Variants in PEX7 observed in about 807,000 individuals in gnomAD.
PEX7 encodes PTS2 receptor.
PEX7 carries 34 observed loss-of-function variants against 47.5 expected under a neutral mutation model. That is an observed-to-expected ratio of 0.72 (90% CI 0.54 to 0.95). PEX7 has a LOEUF of 0.95. PEX7 is among the 40% of genes least tolerant of loss of function. The pLI is 0.00. For missense variants in PEX7, 394 were observed against 400.3 expected (o/e 0.98, Z 0.13); for synonymous variants, 141 against 148.8 (o/e 0.95, Z 0.38).
intron 9 of PEX7, among the ~76,000 whole-genome samples, chr6:136,905,624 T>C (rs956382356): frequency 6.6e-6 from 1 of 152,214 alleles, no homozygotes. Flanking sequence ...CATGCTGACC[T>C]CTTCTTCCTT....
intron 3 of PEX7, chr6:136,830,097 A>G: frequency 2.9e-6 from 2 of 701,540 alleles, no homozygotes; most frequent in South Asian, 3.1e-5. Flanking sequence ...GACGTATAGC[A>G]TGGTTTTAGT....
At chr6:136,911,145 C>G (rs1017867739) in intron 9 of PEX7, among the ~76,000 whole-genome samples, 4 of 152,076 alleles carry the variant, frequency 2.6e-5, no homozygotes, top group Non-Finnish European at 5.9e-5. Flanking sequence ...TCCCCTATCC[C>G]CACCCTTCCC....
intron 3 of PEX7, chr6:136,830,000 C>A (rs1182102664): frequency 1.5e-6 from 1 of 656,862 alleles, no homozygotes; most frequent in Non-Finnish European, 2.8e-6. Context: ...TTTTTTTTTT[C>A]CACCAGTATG....
At chr6:136,842,330 C>T (rs751717343) in intron 3 of PEX7, among the ~76,000 whole-genome samples, 1 of 152,192 alleles carries the variant, frequency 6.6e-6, no homozygotes, top group Non-Finnish European at 1.5e-5. Flanking sequence ...TTAACTTCAC[C>T]ACCATGTGTG....
Position 136,886,935 on chromosome 6 carries a change from C to T in PEX7, c.804-11207C>T, listed in dbSNP as rs189394845. Among the ~76,000 whole-genome samples, 14 of 152,084 alleles carry T rather than the reference C, an allele frequency of 9.2e-5. No homozygotes were observed. The East Asian group carries it at 2.7e-3, about 29-fold the overall frequency. ...GTATGGTGGCACATACCTGTGATCT[C>T]AGCTGCTTGGGTGCTGAGGCAGGAG... On this transcript the variant is annotated intron_variant, in intron 8 of 9. Coordinates refer to ENST00000318471, the MANE Select transcript of PEX7 (RefSeq NM_000288.4).
intron 3 of PEX7, among the ~76,000 whole-genome samples, chr6:136,831,665 G>A (rs1377521947): frequency 1.3e-5 from 2 of 152,246 alleles, no homozygotes; most frequent in African/African-American, 2.4e-5. Context: ...ATACAGTAGG[G>A]CTATAGGCAT....
At chr6:136,881,775 T>C (rs1775379541) in intron 8 of PEX7, among the ~76,000 whole-genome samples, 1 of 152,176 alleles carries the variant, frequency 6.6e-6, no homozygotes, top group Non-Finnish European at 1.5e-5. Context: ...GTTTTTGGCT[T>C]TCAGTCTTAC....
intron 8 of PEX7, among the ~76,000 whole-genome samples, chr6:136,890,793 T>C (rs1275586265): frequency 6.6e-6 from 1 of 152,132 alleles, no homozygotes; most frequent in Non-Finnish European, 1.5e-5. Context: ...AACATTTAGG[T>C]GTGGGGTGAA....
intron 9 of PEX7, among the ~76,000 whole-genome samples, chr6:136,904,785 CA>C (rs751092402): frequency 2.0e-5 from 3 of 152,130 alleles, no homozygotes; most frequent in Non-Finnish European, 4.4e-5. Context: ...TCTTTATCAG[CA>C]GCGTGAAAAT....
intron 5 of PEX7, among the ~76,000 whole-genome samples, chr6:136,848,819 TG>T (rs1774681880): frequency 6.6e-6 from 1 of 152,166 alleles, no homozygotes; most frequent in African/African-American, 2.4e-5. Flanking sequence ...CTCTTTTTTT[TG>T]TTGTGTCTCT....
chr6:136,845,756 C>A (rs1393137268), intron 4 of PEX7, 64 bp downstream of exon 4: 5 of 1,041,716 alleles, frequency 4.8e-6, no homozygotes, highest in Non-Finnish European at 6.1e-6. Context: ...ACTAAATTTT[C>A]TTCTCTTTTT....
Position 136,903,336 on chromosome 6 carries a change from CTTTTTT to C in PEX7, c.903+5109_903+5114del, listed in dbSNP as rs552573661. ...GGTAAACAATCTTTTCTTTCTTTCTCTTTTTTTTTTTTTTTTTTTCATAGAGACAGG... is the reference window on the plus strand; with the variant it reads ...GGTAAACAATCTTTTCTTTCTTTCTCTTTTTTTTTTTTTCATAGAGACAGG... On this transcript the variant is annotated intron_variant, in intron 9 of 9. Coordinates refer to ENST00000318471, the MANE Select transcript of PEX7 (RefSeq NM_000288.4). Among the ~76,000 whole-genome samples, 649 of 126,304 alleles carry C rather than the reference CTTTTTT, an allele frequency of 5.1e-3. 1 individual carries two copies. Among genetic ancestry groups the C allele is most frequent in the Non-Finnish European group, 9.0e-3 (548 of 61,080 alleles). 82.9% of individuals were successfully genotyped at this position (126,304 alleles called of 152,430 possible).
At chr6:136,912,022 A>G (rs552322457) in intron 9 of PEX7, among the ~76,000 whole-genome samples, 8 of 151,968 alleles carry the variant, frequency 5.3e-5, no homozygotes, top group Admixed American at 1.3e-4. Flanking sequence ...TTTTATTTGC[A>G]TTTCCCTAAT....
At chr6:136,853,186 T>C (rs1215343675) in intron 5 of PEX7, among the ~76,000 whole-genome samples, 1 of 152,248 alleles carries the variant, frequency 6.6e-6, no homozygotes, top group Non-Finnish European at 1.5e-5. Flanking sequence ...TGTTTATGGT[T>C]GCTTTCACAC....
chr6:136,836,233 AAG>A (rs57114867), intron 3 of PEX7, among the ~76,000 whole-genome samples: 89,117 of 151,628 alleles, frequency 0.59, 26,220 homozygotes, highest in Admixed American at 0.63. Context: ...GTTTTACATA[AAG>A]AGAGGAATAG....
chr6:136,841,200 A>C (rs547796368), intron 3 of PEX7, among the ~76,000 whole-genome samples: 1 of 152,160 alleles, frequency 6.6e-6, no homozygotes, highest in Non-Finnish European at 1.5e-5. Flanking sequence ...CTGTTTCTCA[A>C]ACATCTCTCT....
At chr6:136,855,222 G>A (rs1374720225) in intron 5 of PEX7, among the ~76,000 whole-genome samples, 1 of 152,124 alleles carries the variant, frequency 6.6e-6, no homozygotes, top group Non-Finnish European at 1.5e-5. Flanking sequence ...ATTTGGAAAA[G>A]TATTAGTAAG....
In PEX7 at chr6:136,913,010, G is replaced by A. The variant is rs963974358; in HGVS notation, c.904-448G>A. ...ATAGTCCCCCTAAGAGTCTCTGTTA[G>A]TGCACCTTCCACACTCAGTCTTGAA... On this transcript the variant is annotated intron_variant, in intron 9 of 9. Transcript: ENST00000318471. Among the ~76,000 whole-genome samples the A allele has an allele frequency of 3.9e-5, 6 of 152,312 alleles. No individual in the cohort carries two copies. In the East Asian group the frequency reaches 1.2e-3, roughly 29 times the overall value.
chr6:136,857,144 C>G (rs1381666783), intron 5 of PEX7, among the ~76,000 whole-genome samples: 2 of 152,184 alleles, frequency 1.3e-5, no homozygotes, highest in Non-Finnish European at 2.9e-5. Context: ...GTGCCTTAGC[C>G]ATTTCAGAGA....
Sources: gnomAD v4.1 joint callset for allele counts (sites outside exome capture counted in the v4.1 genomes callset) on GRCh38, gnomAD v4.1.1 for gene constraint, MANE v1.5 for transcripts, NCBI Gene and HGNC (gene_info 2026-07-23, HGNC 2026-07-21) for gene names.